Variants in MYO5A observed in about 807,000 individuals in gnomAD.
The protein encoded by MYO5A is unconventional myosin-Va.
In MYO5A, 98 loss-of-function variants were observed where a neutral mutation model predicts 249.7. That is an observed-to-expected ratio of 0.39 (90% CI 0.33 to 0.46). The LOEUF is 0.46. Ranked by LOEUF, MYO5A falls within the 20% of genes least tolerant of loss-of-function variation. The probability of loss-of-function intolerance (pLI) is 0.98; values close to 1 mark genes in which losing one functional copy is unlikely to be tolerated. For synonymous variants in MYO5A, 778 were observed against 810.6 expected, an observed-to-expected ratio of 0.96 and a Z score of 0.68; for missense variants, 1,696 against 2,308.8, an observed-to-expected ratio of 0.73 and a Z score of 5.44.
At chr15:52,328,743 T>G (rs2038731425) in intron 35 of MYO5A, among the ~76,000 whole-genome samples, 1 of 152,164 alleles carries the variant, frequency 6.6e-6, no homozygotes, top group Non-Finnish European at 1.5e-5. Context: ...AAAGCCAAAA[T>G]CCTCACCATA....
chr15:52,352,714 C>T (rs973879462), intron 27 of MYO5A, among the ~76,000 whole-genome samples: 1 of 151,746 alleles, frequency 6.6e-6, no homozygotes. Context: ...ACCTGGGAGG[C>T]GGTGCTTGCA....
At chr15:52,327,271 C>T (rs2038655218) in intron 36 of MYO5A, among the ~76,000 whole-genome samples, 2 of 152,112 alleles carry the variant, frequency 1.3e-5, no homozygotes, top group Admixed American at 6.5e-5. Context: ...CTATATCTGT[C>T]CATGAATAAA....
In MYO5A at chr15:52,410,454, G is replaced by T. The variant is rs1468919484; in HGVS notation, c.635C>A (p.Thr212Asn). Residue 212 changes from threonine to asparagine, a missense_variant, in exon 6 of 42, where the codon ACC becomes AAC. By Grantham distance (65) the Thr-to-Asn change is moderately conservative (BLOSUM62 0). This residue lies in a region of MYO5A where 197 missense variants were observed against 320.3 expected (regional missense o/e 0.62). Coordinates refer to ENST00000399233, the MANE Select transcript of MYO5A (RefSeq NM_001382347.1). ...IMESIGNAKT[T>N]RNDNSSRFGK... Reference sequence around the variant, plus strand: ...AAAACGGCTGCTATTATCATTCCTGGTTGTTTTAGCATTTCCAATGGACTA... The same window carrying T: ...AAAACGGCTGCTATTATCATTCCTGTTTGTTTTAGCATTTCCAATGGACTA... 1 of 1,613,504 alleles carries T rather than the reference G, an allele frequency of 6.2e-7. No homozygotes were observed. The highest frequency in any genetic ancestry group is 1.1e-5 in the South Asian group (1 of 91,072).
chr15:52,468,915 C>T (rs2076403804), intron 1 of MYO5A, among the ~76,000 whole-genome samples: 1 of 152,102 alleles, frequency 6.6e-6, no homozygotes, highest in South Asian at 2.1e-4. Flanking sequence ...ACTTTACATA[C>T]TTCCATATTT....
At chr15:52,436,175 C>T (rs1567124747) in intron 1 of MYO5A, among the ~76,000 whole-genome samples, 1 of 152,260 alleles carries the variant, frequency 6.6e-6, no homozygotes, top group Non-Finnish European at 1.5e-5. Context: ...GAGTGATCCT[C>T]CCACCTTGGC....
chr15:52,475,517 G>A (rs540297892), intron 1 of MYO5A, among the ~76,000 whole-genome samples: 4 of 152,168 alleles, frequency 2.6e-5, no homozygotes, highest in African/African-American at 9.6e-5. Context: ...TTTCTCTTGT[G>A]GGCATTTAGT....
chr15:52,487,823 C>A (rs892247464), intron 1 of MYO5A, among the ~76,000 whole-genome samples: 1 of 152,002 alleles, frequency 6.6e-6, no homozygotes, highest in African/African-American at 2.4e-5. Flanking sequence ...GTACGGCCGG[C>A]GTTCCTGATG....
At chr15:52,371,968 A>AT (rs1469972443) in intron 21 of MYO5A, among the ~76,000 whole-genome samples, 156 bp downstream of exon 21, 2 of 151,780 alleles carry the variant, frequency 1.3e-5, no homozygotes, top group Non-Finnish European at 2.9e-5. Context: ...TTATGAGTTC[A>AT]TAAGTACTTC....
rs556239572 is a variant in MYO5A at position 52,365,644 on chromosome 15, A to G, written c.3161-942T>C. Among the ~76,000 whole-genome samples, 40 of 152,336 alleles carry G rather than the reference A, an allele frequency of 2.6e-4. No individual in the cohort carries two copies. The South Asian group carries it at 5.2e-3, about 20-fold the overall frequency. ...GCAAGGGCTACAAGTGTCTTGTCACAGCTGCTTTCCTGGTGCCCACCACAG... is the reference window on the plus strand; with the variant it reads ...GCAAGGGCTACAAGTGTCTTGTCACGGCTGCTTTCCTGGTGCCCACCACAG... On this transcript the variant is annotated intron_variant, in intron 23 of 41. Transcript: ENST00000399233.
chr15:52,389,631 A>C (rs2042126505), intron 12 of MYO5A, among the ~76,000 whole-genome samples: 2 of 152,058 alleles, frequency 1.3e-5, no homozygotes, highest in Non-Finnish European at 2.9e-5. Flanking sequence ...CATCAAATAA[A>C]TTTGTTGTTG....
At chr15:52,412,841 T>C (rs750239628) in intron 5 of MYO5A, among the ~76,000 whole-genome samples, 6 of 152,176 alleles carry the variant, frequency 3.9e-5, no homozygotes, top group African/African-American at 7.2e-5. Flanking sequence ...TCAATTATGG[T>C]TATTGAAATT....
At chr15:52,381,655 T>C (rs2041742853) in intron 16 of MYO5A, among the ~76,000 whole-genome samples, 1 of 152,204 alleles carries the variant, frequency 6.6e-6, no homozygotes, top group Non-Finnish European at 1.5e-5. Context: ...TCTGTAGCCA[T>C]TATATGATTA....
At chr15:52,456,268 T>A (rs1012610577) in intron 1 of MYO5A, among the ~76,000 whole-genome samples, 3 of 151,898 alleles carry the variant, frequency 2.0e-5, no homozygotes, top group African/African-American at 7.3e-5. Flanking sequence ...AAGTAAAACA[T>A]CTATACAACC....
rs2039458912 is a variant in MYO5A at position 52,343,157 on chromosome 15, C to G, written c.4000G>C (p.Glu1334Gln). ...AACCCTTCATAAACCAGCCACAGCT[C>G]TCCATCCTCATTCAACTCATGGTAA... ...LDYHELNEDG[E>Q]LWLVYEGLKQ... Residue 1334 changes from glutamate to glutamine, a missense_variant, in exon 31 of 42, where the codon GAG becomes CAG. Around this residue, in one of 5 missense-constraint regions of MYO5A, gnomAD observed 625 missense variants for 908.1 expected, o/e 0.69. Coordinates refer to ENST00000399233, the MANE Select transcript of MYO5A (RefSeq NM_001382347.1). The G allele has an allele frequency of 6.2e-7, 1 of 1,613,994 alleles. No individual in the cohort carries two copies. Among genetic ancestry groups the G allele is most frequent in the South Asian group, 1.1e-5 (1 of 91,084 alleles).
chr15:52,389,084 A>T (rs2042097662), intron 13 of MYO5A, among the ~76,000 whole-genome samples, 154 bp downstream of exon 13: 1 of 152,214 alleles, frequency 6.6e-6, no homozygotes, highest in African/African-American at 2.4e-5. Flanking sequence ...GGTTAAAGGA[A>T]GAGAAAACCA....
Position 52,416,261 on chromosome 15 carries a change from C to G in MYO5A, c.496G>C (p.Gly166Arg). 6.2e-7 allele frequency: 1 copy of G among 1,614,058 alleles called. No individual in the cohort carries two copies. The highest frequency in any genetic ancestry group is 8.5e-7 in the Non-Finnish European group (1 of 1,179,970). ...TTAGCTGAGACTGTTTTTCCTGCCC[C>G]AGACTCTCCACTTACGATGATGGAC... is the stretch of plus-strand genomic sequence containing the variant. The part of the protein sequence containing the change: ...NQSIIVSGES[G>R]AGKTVSAKYA... Residue 166 changes from glycine to arginine, a missense_variant, in exon 5 of 42, where the codon GGG becomes CGG. Gly to Arg is a moderately radical substitution (Grantham distance 125, BLOSUM62 -2). Around this residue, in one of 5 missense-constraint regions of MYO5A, gnomAD observed 197 missense variants for 320.3 expected, o/e 0.62. Coordinates refer to ENST00000399233, the MANE Select transcript of MYO5A (RefSeq NM_001382347.1).
chr15:52,519,512 T>C (rs1385249827), intron 1 of MYO5A, among the ~76,000 whole-genome samples: 1 of 151,994 alleles, frequency 6.6e-6, no homozygotes, highest in African/African-American at 2.4e-5. Flanking sequence ...CTCAGGAGGC[T>C]GAGCTGGGAG....
chr15:52,411,930 A>G (rs1466184721), intron 5 of MYO5A, among the ~76,000 whole-genome samples: 1 of 152,224 alleles, frequency 6.6e-6, no homozygotes. Flanking sequence ...AAATTACAGA[A>G]GGATCTAATG....
In MYO5A at chr15:52,501,896, C is replaced by T. The variant is rs201067900; in HGVS notation, c.27+26884G>A. Among the ~76,000 whole-genome samples the T allele has an allele frequency of 4.4e-4, 67 of 151,768 alleles. 1 individual carries two copies. The East Asian group carries it at 7.2e-3, about 16-fold the overall frequency. ...TATACTACACACACACACACACACACACACACACACACACTGTATTTTACT... is the reference window on the plus strand; with the variant it reads ...TATACTACACACACACACACACACATACACACACACACACTGTATTTTACT... On this transcript the variant is annotated intron_variant, in intron 1 of 41. Transcript: ENST00000399233.
Sources: allele counts gnomAD v4.1 joint callset (sites outside exome capture counted in the v4.1 genomes callset), GRCh38; gene constraint gnomAD v4.1.1; regional missense constraint gnomAD v4.1.1; transcripts MANE v1.5; gene names NCBI Gene and HGNC (gene_info 2026-07-23, HGNC 2026-07-21).